PTPRU: variants seen among roughly 807,000 people sequenced by gnomAD.
PTPRU encodes the protein receptor-type tyrosine-protein phosphatase U.
Under a neutral mutation model 166.3 loss-of-function variants are expected in PTPRU, and 69 were observed. The ratio of observed to expected loss-of-function variants is 0.41; its 90% CI spans 0.34 to 0.51. The LOEUF (loss-of-function observed/expected upper bound fraction) is 0.51, where lower values mean the gene tolerates loss of function less well. Among genes scored for constraint, PTPRU ranks in the 20% least tolerant of loss-of-function variants. The pLI is 0.09. For synonymous variants in PTPRU, 793 were observed against 814.0 expected, an observed-to-expected ratio of 0.97 and a Z score of 0.44; for missense variants, 1,657 against 2,013.7, an observed-to-expected ratio of 0.82 and a Z score of 3.39.
In PTPRU at chr1:29,258,641, G is replaced by A. The variant is rs1684879059; in HGVS notation, c.342G>A (p.Pro114=). ...YFLYSRDGHS[P]GTLGVYVRVN... ...TGTACAGCCGGGACGGGCACAGCCCGGGCACCCTGGGCGTCTACGTGCGCG... is the reference window on the plus strand; with the variant it reads ...TGTACAGCCGGGACGGGCACAGCCCAGGCACCCTGGGCGTCTACGTGCGCG... The change falls in exon 3 of 30, where the codon CCG becomes CCA. Residue 114 remains proline, a synonymous_variant. Coordinates refer to ENST00000373779, the MANE Select transcript of PTPRU (RefSeq NM_133178.4). The A allele has an allele frequency of 7.4e-6, 12 of 1,614,250 alleles. No individual in the cohort carries two copies. Among genetic ancestry groups the A allele is most frequent in the East Asian group, 2.2e-5 (1 of 44,888 alleles).
intron 1 of PTPRU, among the ~76,000 whole-genome samples, chr1:29,242,387 GC>G (rs1558541846): frequency 1.3e-5 from 2 of 152,174 alleles, no homozygotes; most frequent in Non-Finnish European, 1.5e-5. Context: ...AAAGCCAGAA[GC>G]CTTGGAAGGG....
intron 17 of PTPRU, 59 bp downstream of exon 17, chr1:29,304,908 G>GA: frequency 6.8e-7 from 1 of 1,481,466 alleles, no homozygotes; most frequent in Non-Finnish European, 9.3e-7. Context: ...ATCAGGAGGG[G>GA]GAACACAGCC....
rs372158258 is a variant in PTPRU at position 29,246,578 on chromosome 1, C to A, written c.74-8697C>A. 3.7e-3 allele frequency among the ~76,000 whole-genome samples: 564 copies of A among 152,284 alleles called. 2 individuals carry two copies. Among genetic ancestry groups the A allele is most frequent in the Non-Finnish European group, 6.0e-3 (411 of 68,014 alleles). ...TGTGCACTCTACCGGATTGCGGGAC[C>A]CAGAGCCCTTGCGTTGAATCCACTG... is the stretch of plus-strand genomic sequence containing the variant. On this transcript the variant is annotated intron_variant, in intron 1 of 29. Transcript: ENST00000373779.
intron 1 of PTPRU, among the ~76,000 whole-genome samples, chr1:29,243,137 C>T (rs1329567695): frequency 6.6e-5 from 10 of 152,214 alleles, no homozygotes; most frequent in Non-Finnish European, 1.3e-4. Flanking sequence ...GACCTCATGA[C>T]CTGCCTGACT....
chr1:29,259,415 A>G, intron 4 of PTPRU, 34 bp from the exon 5 acceptor site: 1 of 1,607,690 alleles, frequency 6.2e-7, no homozygotes, highest in South Asian at 1.1e-5. Flanking sequence ...CAGGGGGTGC[A>G]GGCCCAGCTC....
At chr1:29,266,865 C>T (rs1369417308) in intron 7 of PTPRU, among the ~76,000 whole-genome samples, 1 of 152,086 alleles carries the variant, frequency 6.6e-6, no homozygotes, top group African/African-American at 2.4e-5. Context: ...CTTTGAACAT[C>T]ACAGGTTTGA....
At chr1:29,261,325 A>G (rs1273605532) in intron 7 of PTPRU, among the ~76,000 whole-genome samples, 1 of 152,146 alleles carries the variant, frequency 6.6e-6, no homozygotes, top group African/African-American at 2.4e-5. Context: ...GCAACTAAAT[A>G]CCATCAAATA....
intron 7 of PTPRU, among the ~76,000 whole-genome samples, chr1:29,274,580 T>C (rs1321920672): frequency 1.3e-5 from 2 of 152,200 alleles, no homozygotes; most frequent in Admixed American, 6.5e-5. Flanking sequence ...ACTATTTGGC[T>C]CTCATTTCCC....
At position 29,259,461 on chromosome 1, in the gene PTPRU, A is replaced by G; in HGVS notation, c.572A>G (p.His191Arg). The part of the protein sequence containing the change: ...LLSYPCAKAP[H>R]FSRLGDVEVN... ...TCTAACCCCGCAGCAAAGGCCCCAC[A>G]CTTCTCCCGCCTGGGCGACGTGGAG... The change falls in exon 5 of 30, where the codon CAC (histidine) becomes CGC (arginine). Residue 191 changes from histidine (H) to arginine (R), a missense_variant. Physicochemically the swap from His to Arg is conservative, Grantham distance 29 (BLOSUM62 0). Around this residue, in one of 3 missense-constraint regions of PTPRU, gnomAD observed 453 missense variants for 496.9 expected, o/e 0.91. Coordinates refer to ENST00000373779, the MANE Select transcript of PTPRU (RefSeq NM_133178.4). 6.2e-7 allele frequency: 1 copy of G among 1,611,556 alleles called. No homozygotes were observed. The highest frequency in any genetic ancestry group is 8.5e-7 in the Non-Finnish European group (1 of 1,178,524).
rs1683859366 is a variant in PTPRU, at chr1:29,238,019, G to A, written c.73+1302G>A. On this transcript the variant is annotated intron_variant, in intron 1 of 29. Coordinates refer to ENST00000373779, the MANE Select transcript of PTPRU (RefSeq NM_133178.4). The surrounding 1 kb of genome is among the most constrained non-coding windows in gnomAD (Gnocchi z 6.1). Reference sequence around the variant, plus strand: ...CCTCCCGGGACACTCCCTTGGTGGAGCCTGCAACTTTGTGCGGCCTCCCGG... The same window carrying A: ...CCTCCCGGGACACTCCCTTGGTGGAACCTGCAACTTTGTGCGGCCTCCCGG... Among the ~76,000 whole-genome samples, 1 of 151,388 alleles carries A rather than the reference G, an allele frequency of 6.6e-6. No individual in the cohort carries two copies. Among genetic ancestry groups the A allele is most frequent in the African/African-American group, 2.4e-5 (1 of 41,290 alleles).
At position 29,280,887 on chromosome 1, in the gene PTPRU, G is replaced by A. The variant is rs543136611; in HGVS notation, c.1868+746G>A. ...AGCCATTTATCCTCATGGCAGCCCT[G>A]TGGCATGGGTATTATTACCTTCATT... On this transcript the variant is annotated intron_variant, in intron 11 of 29. Coordinates refer to ENST00000373779, the MANE Select transcript of PTPRU (RefSeq NM_133178.4). This position sits in a 1 kb window ranked among gnomAD's most constrained non-coding sequence, Gnocchi z 4.2. Among the ~76,000 whole-genome samples, 5 of 152,128 alleles carry A rather than the reference G, an allele frequency of 3.3e-5. No individual in the cohort carries two copies. The highest frequency in any genetic ancestry group is 4.4e-5 in the Non-Finnish European group (3 of 68,020).
chr1:29,262,286 C>CT (rs1574627882), intron 7 of PTPRU, among the ~76,000 whole-genome samples: 1 of 152,164 alleles, frequency 6.6e-6, no homozygotes, highest in African/African-American at 2.4e-5. Flanking sequence ...CTAGAATTGG[C>CT]TTTTTTTGGA....
intron 26 of PTPRU, among the ~76,000 whole-genome samples, chr1:29,322,429 G>A (rs1057487846): frequency 5.3e-5 from 8 of 152,180 alleles, no homozygotes; most frequent in African/African-American, 1.4e-4. Flanking sequence ...ATCATGTATC[G>A]GCGATGGCTT....
At position 29,236,743 on chromosome 1, in the gene PTPRU, C is replaced by T. The variant is rs759925414; in HGVS notation, c.73+26C>T. 2 of 1,397,404 alleles carry T rather than the reference C, an allele frequency of 1.4e-6. No individual in the cohort carries two copies. Among genetic ancestry groups the T allele is most frequent in the Non-Finnish European group, 1.9e-6 (2 of 1,079,418 alleles). 86.6% of individuals were successfully genotyped at this position (1,397,404 alleles called of 1,614,324 possible). On this transcript the variant is annotated intron_variant, in intron 1 of 29. Transcript: ENST00000373779. This position sits in a 1 kb window ranked among gnomAD's most constrained non-coding sequence, Gnocchi z 4.6. ...GTAAGCGCGCGGCGGCCGGACCGAG[C>T]CTGCCCCGCCGAGCCTCGGGGCCCG... is the stretch of plus-strand genomic sequence containing the variant.
In PTPRU at chr1:29,325,446, T is replaced by C. The variant is rs1275558215; in HGVS notation, c.4248+120T>C. On this transcript the variant is annotated intron_variant, in intron 29 of 29. Coordinates refer to ENST00000373779, the MANE Select transcript of PTPRU (RefSeq NM_133178.4). ...CCACTGGGCCTTGGTTCTAGCCCTGTGGTCCTAAAACATTACCCCCATTTC... is the reference window on the plus strand; with the variant it reads ...CCACTGGGCCTTGGTTCTAGCCCTGCGGTCCTAAAACATTACCCCCATTTC... The C allele has an allele frequency of 5.3e-6, 8 of 1,516,204 alleles. No individual in the cohort carries two copies. In the East Asian group the frequency reaches 1.6e-4, roughly 30 times the overall value. 93.9% of individuals were successfully genotyped at this position (1,516,204 alleles called of 1,614,324 possible). A position where few individuals can be genotyped will look rare whatever the true frequency, so the allele number is the denominator to read the frequency against.
intron 7 of PTPRU, among the ~76,000 whole-genome samples, chr1:29,264,860 A>T (rs982794001): frequency 2.6e-5 from 4 of 152,214 alleles, no homozygotes; most frequent in South Asian, 4.1e-4. Flanking sequence ...TTATTGAATT[A>T]TCTTGGCACT....
intron 4 of PTPRU, 38 bp from the exon 5 acceptor site, chr1:29,259,411 G>C: frequency 6.2e-7 from 1 of 1,607,126 alleles, no homozygotes; most frequent in South Asian, 1.1e-5. Flanking sequence ...CCTGCAGGGG[G>C]TGCAGGCCCA....
chr1:29,323,533 G>A (rs780002219), intron 27 of PTPRU, 37 bp downstream of exon 27: 3 of 1,611,890 alleles, frequency 1.9e-6, no homozygotes. Context: ...AGGACCCTGG[G>A]TGGTGGCTGG....
intron 1 of PTPRU, among the ~76,000 whole-genome samples, chr1:29,247,852 CT>C (rs1344624333): frequency 1.3e-5 from 2 of 152,184 alleles, no homozygotes; most frequent in African/African-American, 4.8e-5. Context: ...CATTGTCAGG[CT>C]GTGTGTTGGC....
Sources: allele counts gnomAD v4.1 joint callset (sites outside exome capture counted in the v4.1 genomes callset), GRCh38; gene constraint gnomAD v4.1.1; regional missense constraint gnomAD v4.1.1; non-coding constraint Gnocchi (gnomAD v3.1); transcripts MANE v1.5; gene names NCBI Gene and HGNC (gene_info 2026-07-23, HGNC 2026-07-21).